The following L3MBTL3 variants were observed in gnomAD, a reference collection of about 807,000 sequenced individuals.
L3MBTL3 encodes L3MBTL histone methyl-lysine binding protein 3.
A neutral mutation model predicts 102.3 loss-of-function variants in L3MBTL3; 27 were observed. That is an observed-to-expected ratio of 0.26 (90% CI 0.19 to 0.36). The LOEUF (loss-of-function observed/expected upper bound fraction) is 0.36. Ranked by LOEUF, L3MBTL3 falls within the 10% of genes least tolerant of loss-of-function variation. The pLI is 1.00. For missense variants in L3MBTL3, 798 were observed against 955.3 expected, an observed-to-expected ratio of 0.84 and a Z score of 2.17; for synonymous variants, 340 against 320.9, an observed-to-expected ratio of 1.06 and a Z score of -0.64.
chr6:130,084,163 A>G (rs1783532403), intron 15 of L3MBTL3, among the ~76,000 whole-genome samples: 1 of 152,164 alleles, frequency 6.6e-6, no homozygotes, highest in East Asian at 1.9e-4. Flanking sequence ...ATACAAGATC[A>G]TCTGCTTTTA....
Position 130,057,417 on chromosome 6 carries a change from A to G in L3MBTL3, c.679A>G (p.Lys227Glu). 6.2e-7 allele frequency: 1 copy of G among 1,608,514 alleles called. No individual in the cohort carries two copies. Among genetic ancestry groups the G allele is most frequent in the Non-Finnish European group, 8.5e-7 (1 of 1,178,058 alleles). Reference sequence around the variant, plus strand: ...TGCTTGCCTTTCAGGTTTGCCTCCTAAAGGAAAGAAAGCGTGGTGCTGGGC... The same window carrying G: ...TGCTTGCCTTTCAGGTTTGCCTCCTGAAGGAAAGAAAGCGTGGTGCTGGGC... ...SAVLKQGLPP[K>E]GKKAWCWASY... is the part of the protein sequence containing the mutation. The change falls in exon 9 of 23, where the codon AAA (lysine) becomes GAA (glutamate). Residue 227 changes from lysine to glutamate, a missense_variant. By Grantham distance (56) the Lys-to-Glu change is moderately conservative (BLOSUM62 1). Transcript: ENST00000361794.
At chr6:130,072,162 A>C (rs1330375192) in intron 13 of L3MBTL3, among the ~76,000 whole-genome samples, 2 of 151,692 alleles carry the variant, frequency 1.3e-5, no homozygotes, top group African/African-American at 4.9e-5. Flanking sequence ...GCAATACAAT[A>C]ATAAAAATAA....
At chr6:130,056,385 C>T (rs1405117911) in intron 8 of L3MBTL3, among the ~76,000 whole-genome samples, 1 of 152,184 alleles carries the variant, frequency 6.6e-6, no homozygotes, top group African/African-American at 2.4e-5. Context: ...GGGATGTCCC[C>T]CACAAGGCTC....
chr6:130,071,223 A>G (rs1455602327), intron 13 of L3MBTL3, 96 bp downstream of exon 13: 7 of 1,115,280 alleles, frequency 6.3e-6, no homozygotes, highest in Non-Finnish European at 8.9e-6. Flanking sequence ...AACAAAAAAA[A>G]GCAGTGTTCT....
chr6:130,064,074 G>A (rs773452095), intron 10 of L3MBTL3, among the ~76,000 whole-genome samples: 2 of 152,090 alleles, frequency 1.3e-5, no homozygotes, highest in African/African-American at 2.4e-5. Flanking sequence ...GAAGACTGGC[G>A]GTATGTCATT....
intron 14 of L3MBTL3, 124 bp downstream of exon 14, chr6:130,078,758 A>T: frequency 1.6e-6 from 1 of 623,216 alleles, no homozygotes; most frequent in East Asian, 2.7e-5. Flanking sequence ...TGTCACCACT[A>T]CTCAAAACAG....
chr6:130,036,700 T>C (rs1045665566), intron 2 of L3MBTL3, among the ~76,000 whole-genome samples: 1 of 152,236 alleles, frequency 6.6e-6, no homozygotes, highest in Non-Finnish European at 1.5e-5. Flanking sequence ...TCTGCATGTC[T>C]TACTGACATT....
At chr6:130,072,145 A>G (rs1389608784) in intron 13 of L3MBTL3, among the ~76,000 whole-genome samples, 1 of 152,034 alleles carries the variant, frequency 6.6e-6, no homozygotes, top group East Asian at 1.9e-4. Flanking sequence ...TGAAAAAAAG[A>G]AAAATAGCAA....
intron 2 of L3MBTL3, among the ~76,000 whole-genome samples, chr6:130,027,213 C>T (rs1424645968): frequency 1.3e-5 from 2 of 152,112 alleles, no homozygotes; most frequent in African/African-American, 2.4e-5. Context: ...CCATTGTAGG[C>T]ATTGATTACA....
At chr6:130,064,834 G>A (rs763592076) in intron 10 of L3MBTL3, among the ~76,000 whole-genome samples, 17 of 152,194 alleles carry the variant, frequency 1.1e-4, no homozygotes, top group Non-Finnish European at 2.4e-4. Context: ...AGACTATGGG[G>A]AGAACAGAGA....
At chr6:130,076,626 A>G (rs555012003) in intron 13 of L3MBTL3, among the ~76,000 whole-genome samples, 51 of 152,310 alleles carry the variant, frequency 3.3e-4, no homozygotes, top group Admixed American at 1.6e-3. Context: ...CCCAGAAGAA[A>G]GGAAGAGTAC....
At chr6:130,111,042 AT>A (rs34210995) in intron 19 of L3MBTL3, among the ~76,000 whole-genome samples, 3 of 151,458 alleles carry the variant, frequency 2.0e-5, no homozygotes, top group Admixed American at 6.6e-5. Flanking sequence ...AGACATTATG[AT>A]TTTTTTTTAA....
intron 18 of L3MBTL3, among the ~76,000 whole-genome samples, chr6:130,102,196 C>T (rs1784735823): frequency 6.6e-6 from 1 of 152,154 alleles, no homozygotes; most frequent in African/African-American, 2.4e-5. Flanking sequence ...TCCCATCTCC[C>T]ATCCATCCAC....
At chr6:130,052,787 A>C in intron 6 of L3MBTL3, 72 bp from the exon 7 acceptor site, 1 of 1,512,098 alleles carries the variant, frequency 6.6e-7, no homozygotes, top group East Asian at 2.3e-5. Context: ...TGATTGTTGC[A>C]TTGATAATCA....
chr6:130,096,995 C>T lies in L3MBTL3; in HGVS notation c.1736+2628C>T, dbSNP rs557386423. 2.0e-5 allele frequency among the ~76,000 whole-genome samples: 3 copies of T among 152,282 alleles called. No individual in the cohort carries two copies. The South Asian group carries it at 6.2e-4, about 32-fold the overall frequency. The stretch of plus-strand genomic sequence containing the variant: ...TGCCTTGGGCAGAGTTGTTGGTTGA[C>T]TCGAGCCCCTGGACCAAGGGATGCA... On this transcript the variant is annotated intron_variant, in intron 18 of 22. Coordinates refer to ENST00000361794, the MANE Select transcript of L3MBTL3 (RefSeq NM_032438.4).
intron 2 of L3MBTL3, among the ~76,000 whole-genome samples, chr6:130,039,596 A>G (rs1780287877): frequency 8.9e-6 from 1 of 111,762 alleles, no homozygotes; most frequent in Non-Finnish European, 2.1e-5. Context: ...TATTGTTTTT[A>G]TAGTTTATAT....
Position 130,133,549 on chromosome 6 carries a change from G to A in L3MBTL3, c.2064G>A (p.Glu688=), listed in dbSNP as rs1787287731. ...SPIPCLPLRW[E]QQSKLLPTVA... is the part of the protein sequence containing the mutation. ...TTCCATGTCTGCCCTTGCGCTGGGA[G>A]CAGCAAAGCAAACTTCTTCCAACTG... The change falls in exon 21 of 23, where the codon GAG becomes GAA. Residue 688 remains glutamate (E), a synonymous_variant. Transcript: ENST00000361794. This position sits in a 1 kb window ranked among gnomAD's most constrained non-coding sequence, Gnocchi z 4.9. 10 of 1,614,072 alleles carry A rather than the reference G, an allele frequency of 6.2e-6. No individual in the cohort carries two copies. The highest frequency in any genetic ancestry group is 7.6e-6 in the Non-Finnish European group (9 of 1,180,002).
chr6:130,123,396 A>C (rs1374752224), intron 20 of L3MBTL3, among the ~76,000 whole-genome samples: 1 of 152,092 alleles, frequency 6.6e-6, no homozygotes. Flanking sequence ...CCTGTAGTTC[A>C]ATGTGCATGT....
rs1309946373 is a variant in L3MBTL3 at position 130,113,781 on chromosome 6, T to A, written c.1887-7098T>A. Reference sequence around the variant, plus strand: ...TTTAGCACGAATCCAATTTTGCTAGTCACACCGAAAGCCGAGTCTGTACCC... The same window carrying A: ...TTTAGCACGAATCCAATTTTGCTAGACACACCGAAAGCCGAGTCTGTACCC... On this transcript the variant is annotated intron_variant, in intron 19 of 22. Transcript: ENST00000361794. Among the ~76,000 whole-genome samples the A allele has an allele frequency of 3.3e-5, 5 of 152,332 alleles. No individual in the cohort carries two copies. The South Asian group carries it at 8.3e-4, about 25-fold the overall frequency.
Sources: gnomAD v4.1 joint callset for allele counts (sites outside exome capture counted in the v4.1 genomes callset) on GRCh38, gnomAD v4.1.1 for gene constraint, Gnocchi (gnomAD v3.1) non-coding constraint, MANE v1.5 for transcripts, NCBI Gene and HGNC (gene_info 2026-07-23, HGNC 2026-07-21) for gene names.